SORCS2: variants seen among roughly 807,000 people sequenced by gnomAD.
SORCS2 encodes the protein sortilin related VPS10 domain containing receptor 2, also known as VPS10 domain-containing receptor SorCS2.
In SORCS2, 100 loss-of-function variants were observed where a neutral mutation model predicts 141.6. That is an observed-to-expected ratio of 0.71 (90% CI 0.60 to 0.83). SORCS2 has a LOEUF of 0.83. Ranked by LOEUF, SORCS2 falls within the 40% of genes least tolerant of loss-of-function variation. The pLI is 0.00. For synonymous variants in SORCS2, 789 were observed against 676.9 expected (o/e 1.17, Z -2.57); for missense variants, 1,646 against 1,560.2 (o/e 1.05, Z -0.93).
chr4:7,323,773 C>G (rs903582330), intron 1 of SORCS2, among the ~76,000 whole-genome samples: 4 of 152,010 alleles, frequency 2.6e-5, no homozygotes, highest in African/African-American at 9.7e-5. Flanking sequence ...TTCCCAGTTT[C>G]CCCTCCACCC....
intron 4 of SORCS2, among the ~76,000 whole-genome samples, chr4:7,643,587 A>C (rs1216370785): frequency 6.6e-6 from 1 of 152,212 alleles, no homozygotes; most frequent in African/African-American, 2.4e-5. Context: ...GGAATGTTCG[A>C]ACAGGGGCTT....
chr4:7,672,341 C>T (rs1040701317), intron 8 of SORCS2, among the ~76,000 whole-genome samples: 25 of 152,182 alleles, frequency 1.6e-4, no homozygotes, highest in African/African-American at 6.0e-4. Context: ...ACAGATGTCT[C>T]ATCAGGAACC....
chr4:7,471,156 C>T (rs1011529828), intron 2 of SORCS2, among the ~76,000 whole-genome samples: 1 of 152,224 alleles, frequency 6.6e-6, no homozygotes, highest in Non-Finnish European at 1.5e-5. Context: ...GCGTTGGGAA[C>T]AGGTCAGCGT....
intron 1 of SORCS2, among the ~76,000 whole-genome samples, chr4:7,375,437 C>T (rs533985371): frequency 3.9e-5 from 6 of 152,292 alleles, no homozygotes; most frequent in East Asian, 1.9e-4. Flanking sequence ...TGCAGCGTTG[C>T]GGGGCCATCA....
intron 1 of SORCS2, among the ~76,000 whole-genome samples, chr4:7,220,902 T>A (rs1728663263): frequency 6.6e-6 from 1 of 152,158 alleles, no homozygotes; most frequent in African/African-American, 2.4e-5. Flanking sequence ...AAGAACATGA[T>A]TAATTAAGCA....
intron 3 of SORCS2, among the ~76,000 whole-genome samples, chr4:7,603,371 C>T (rs1717864361): frequency 6.6e-6 from 1 of 152,046 alleles, no homozygotes; most frequent in South Asian, 2.1e-4. Flanking sequence ...ATGGCAAATC[C>T]TCTGTTCTGA....
intron 1 of SORCS2, among the ~76,000 whole-genome samples, chr4:7,229,165 C>T (rs938746079): frequency 6.6e-5 from 10 of 152,132 alleles, no homozygotes; most frequent in East Asian, 1.9e-4. Context: ...TTGCCGTGCT[C>T]GGAACCCACA....
At chr4:7,413,853 C>T (rs1363151262) in intron 2 of SORCS2, among the ~76,000 whole-genome samples, 6 of 152,164 alleles carry the variant, frequency 3.9e-5, no homozygotes, top group Non-Finnish European at 7.4e-5. Flanking sequence ...CCCTGCCCCA[C>T]GTCTCTATGT....
chr4:7,526,135 A>G (rs994121448), intron 2 of SORCS2, among the ~76,000 whole-genome samples: 3 of 152,234 alleles, frequency 2.0e-5, no homozygotes, highest in African/African-American at 4.8e-5. Flanking sequence ...GCCACGACCC[A>G]GGCGCCATTC....
At chr4:7,250,525 C>T (rs1713426434) in intron 1 of SORCS2, among the ~76,000 whole-genome samples, 1 of 152,218 alleles carries the variant, frequency 6.6e-6, no homozygotes, top group Non-Finnish European at 1.5e-5. Context: ...GATTTATGTC[C>T]CTGAGACATA....
At chr4:7,505,374 C>T (rs530702759) in intron 2 of SORCS2, among the ~76,000 whole-genome samples, 1 of 152,158 alleles carries the variant, frequency 6.6e-6, no homozygotes, top group Admixed American at 6.5e-5. Flanking sequence ...TCACTGACCC[C>T]GAGAACAGCT....
chr4:7,575,788 T>C (rs1715711979), intron 3 of SORCS2, among the ~76,000 whole-genome samples: 1 of 152,256 alleles, frequency 6.6e-6, no homozygotes, highest in Non-Finnish European at 1.5e-5. Context: ...TAACAGATGT[T>C]CTTGTTGTTT....
chr4:7,429,763 G>A (rs1389267403), intron 2 of SORCS2, among the ~76,000 whole-genome samples: 4 of 152,186 alleles, frequency 2.6e-5, no homozygotes, highest in African/African-American at 4.8e-5. Flanking sequence ...CGTGGGTCGC[G>A]GGTGTGAGGA....
chr4:7,712,253 T>A (rs566822554), intron 14 of SORCS2, among the ~76,000 whole-genome samples: 29 of 152,196 alleles, frequency 1.9e-4, no homozygotes, highest in Non-Finnish European at 3.5e-4. Flanking sequence ...GGCCCAGCGA[T>A]AGAAAGCTGG....
At chr4:7,431,913 A>T (rs1726890076) in intron 2 of SORCS2, 2 of 152,166 alleles carry the variant, frequency 1.3e-5, no homozygotes, top group Non-Finnish European at 2.9e-5. Context: ...TCAAGAGGAG[A>T]ATTAATCCAT....
chr4:7,734,495 G>A (rs1223841963), intron 25 of SORCS2, 121 bp downstream of exon 25: 5 of 681,510 alleles, frequency 7.3e-6, no homozygotes, highest in African/African-American at 3.7e-5. Context: ...GGAGTGGTGA[G>A]AGTTTGTGCC....
chr4:7,511,405 G>A (rs1328625619), intron 2 of SORCS2, among the ~76,000 whole-genome samples: 1 of 147,016 alleles, frequency 6.8e-6, no homozygotes. Flanking sequence ...CCTGCAGAGA[G>A]AGAGGGGGAG....
intron 11 of SORCS2, among the ~76,000 whole-genome samples, chr4:7,695,552 A>G (rs1349281845): frequency 0.026 from 101 of 3,874 alleles, 10 homozygotes; most frequent in African/African-American, 0.085. Context: ...GGATGGATGG[A>G]TGGATGGATG....
At chr4:7,640,252 G>A (rs1720617059) in intron 4 of SORCS2, among the ~76,000 whole-genome samples, 1 of 149,248 alleles carries the variant, frequency 6.7e-6, no homozygotes, top group Non-Finnish European at 1.5e-5. Flanking sequence ...ACCTATGTGA[G>A]TGTGTATGTA....
Sources: allele counts gnomAD v4.1 joint callset (sites outside exome capture counted in the v4.1 genomes callset), GRCh38; gene constraint gnomAD v4.1.1; transcripts MANE v1.5; gene names NCBI Gene and HGNC (gene_info 2026-07-23, HGNC 2026-07-21).